The following POU2F2 variants were observed in gnomAD, a reference collection of about 807,000 sequenced individuals.
The protein encoded by POU2F2 is POU domain, class 2, transcription factor 2.
Under a neutral mutation model 63.5 loss-of-function variants are expected in POU2F2, and 14 were observed. The observed-to-expected ratio is 0.22, with a 90% CI of 0.15 to 0.34. POU2F2 has a LOEUF of 0.34. POU2F2 is among the 10% of genes least tolerant of loss of function. The probability of loss-of-function intolerance (pLI) is 1.00; values close to 1 mark genes in which losing one functional copy is unlikely to be tolerated. For synonymous variants in POU2F2, 306 were observed against 348.6 expected (o/e 0.88, Z 1.36); for missense variants, 607 against 815.2 (o/e 0.74, Z 3.11).
At chr19:42,144,701 T>C (rs985278787) in intron 2 of POU2F2, among the ~76,000 whole-genome samples, 2 of 152,254 alleles carry the variant, frequency 1.3e-5, no homozygotes, top group African/African-American at 2.4e-5. Context: ...CTTTGCATCA[T>C]CTTTTGGCAT....
At chr19:42,110,620 G>A (rs543191389) in intron 5 of POU2F2, 8 of 413,102 alleles carry the variant, frequency 1.9e-5, no homozygotes, top group South Asian at 1.1e-4. Context: ...ACAGGATCAC[G>A]ATGCAAGTTG....
rs766334387 is a variant in POU2F2, at chr19:42,099,785, G to A, written c.406C>T (p.Leu136Phe). The stretch of plus-strand genomic sequence containing the variant: ...GGCTGGAGGTGGTGGCCTGGCACAA[G>A]CACCAGCTGCTGGAGCTGGAGGAGC... ...QQLLQLQQLV[L>F]VPGHHLQPPA... Residue 136 changes from leucine (L) to phenylalanine (F), a missense_variant, in exon 6 of 15, where the codon CTT (leucine) becomes TTT (phenylalanine). Coordinates refer to ENST00000692977, the MANE Select transcript of POU2F2 (RefSeq NM_001394376.1). The A allele has an allele frequency of 6.3e-7, 1 of 1,582,828 alleles. No homozygotes were observed. The highest frequency in any genetic ancestry group is 8.6e-7 in the Non-Finnish European group (1 of 1,163,048).
At chr19:42,116,466 C>T (rs1389854392) in intron 5 of POU2F2, among the ~76,000 whole-genome samples, 2 of 152,262 alleles carry the variant, frequency 1.3e-5, no homozygotes, top group South Asian at 2.1e-4. Context: ...GGAAGCACTG[C>T]CCCCAACACA....
chr19:42,140,546 T>A (rs2034107174), intron 2 of POU2F2, among the ~76,000 whole-genome samples: 1 of 152,186 alleles, frequency 6.6e-6, no homozygotes, highest in Admixed American at 6.5e-5. Flanking sequence ...CCCCCTTGAA[T>A]GCTGTTCCCC....
intron 1 of POU2F2, among the ~76,000 whole-genome samples, chr19:42,124,838 T>C (rs559793030): frequency 6.6e-6 from 1 of 152,286 alleles, no homozygotes; most frequent in African/African-American, 2.4e-5. Context: ...TGATTCCAAT[T>C]ACAGGAAATT....
Position 42,162,861 on chromosome 19 carries a change from TAGAC to T in POU2F2, c.-69-2473_-69-2470del, listed in dbSNP as rs1215722439. On this transcript the variant is annotated intron_variant, in intron 1 of 6. Coordinates refer to the POU2F2 transcript ENST00000524801. This position sits in a 1 kb window ranked among gnomAD's most constrained non-coding sequence, Gnocchi z 4.1. ...GAATGCCCACATACAACCCCACCGA[TAGAC>T]AGATGGAAACACTGGCACCCACAGA... Among the ~76,000 whole-genome samples the T allele has an allele frequency of 6.6e-6, 1 of 152,012 alleles. No individual in the cohort carries two copies. The highest frequency in any genetic ancestry group is 1.5e-5 in the Non-Finnish European group (1 of 67,980).
In POU2F2 at chr19:42,099,547, G is replaced by A; in HGVS notation, c.547C>T (p.Arg183Trp). The A allele has an allele frequency of 3.1e-6, 5 of 1,613,552 alleles. No homozygotes were observed. The highest frequency in any genetic ancestry group is 3.4e-6 in the Non-Finnish European group (4 of 1,179,426). The change falls in exon 7 of 15, where the codon CGG (arginine) becomes TGG (tryptophan). Residue 183 changes from arginine (R) to tryptophan (W), a missense_variant. By Grantham distance (101) the Arg-to-Trp change is moderately radical. Coordinates refer to ENST00000692977, the MANE Select transcript of POU2F2 (RefSeq NM_001394376.1). ...CTCACCTGTGTGGGAAGCCCGGCCC[G>A]GGGCTGGGAGGTCAGAAGAGCTCCC... ...TQGALLTSQP[R>W]AGLPTQAVTR... is the part of the protein sequence containing the mutation.
upstream of POU2F2, among the ~76,000 whole-genome samples, chr19:42,176,874 C>G (rs949612067): frequency 8.6e-5 from 13 of 151,556 alleles, no homozygotes; most frequent in Admixed American, 7.9e-4. Context: ...GCCCGGCTCC[C>G]GCCCGGAGAG....
At chr19:42,101,892 G>A (rs1052561023) in intron 5 of POU2F2, among the ~76,000 whole-genome samples, 8 of 151,752 alleles carry the variant, frequency 5.3e-5, no homozygotes, top group African/African-American at 9.7e-5. Context: ...CAGGAGAATC[G>A]CTTGAAGCCG....
chr19:42,140,510 C>G (rs2034106315), intron 2 of POU2F2, among the ~76,000 whole-genome samples: 2 of 152,160 alleles, frequency 1.3e-5, no homozygotes, highest in Admixed American at 6.5e-5. Context: ...ATTTTGTCCC[C>G]AACATGGGGC....
At position 42,095,650 on chromosome 19, in the gene POU2F2, C is replaced by T; in HGVS notation, c.915G>A (p.Leu305=). The part of the protein sequence containing the change: ...VDSSLPSPNQ[L]SSPSLGFDGL... ...CGTCGAAACCCAGGCTGGGGCTGCT[C>T]AGCTGGTTGGGGCTGGGCAGGCTTG... Residue 305 remains leucine (L), a synonymous_variant, in exon 10 of 15, where the codon CTG becomes CTA. Transcript: ENST00000692977. This position sits in a 1 kb window ranked among gnomAD's most constrained non-coding sequence, Gnocchi z 7.1. The T allele has an allele frequency of 6.2e-7, 1 of 1,613,204 alleles. No individual in the cohort carries two copies. The highest frequency in any genetic ancestry group is 1.1e-5 in the South Asian group (1 of 91,082).
At chr19:42,176,333 T>C (rs1047270168), upstream of POU2F2, among the ~76,000 whole-genome samples, 2 of 152,200 alleles carry the variant, frequency 1.3e-5, no homozygotes, top group African/African-American at 2.4e-5. Flanking sequence ...TGGTATTGTT[T>C]TTTTTCTCTT....
At chr19:42,134,831 G>A (rs752666214), upstream of POU2F2, among the ~76,000 whole-genome samples, 1 of 152,124 alleles carries the variant, frequency 6.6e-6, no homozygotes, top group Non-Finnish European at 1.5e-5. Flanking sequence ...ATTTCTCGCC[G>A]GATCGATACG....
chr19:42,126,344 G>T (rs1248508210), intron 1 of POU2F2, among the ~76,000 whole-genome samples: 1 of 151,960 alleles, frequency 6.6e-6, no homozygotes, highest in Non-Finnish European at 1.5e-5. Flanking sequence ...TCAGGAGGCT[G>T]AGGTAGGAGA....
chr19:42,143,841 C>A (rs1304482625), intron 2 of POU2F2, among the ~76,000 whole-genome samples: 1 of 152,148 alleles, frequency 6.6e-6, no homozygotes, highest in Admixed American at 6.5e-5. Context: ...ACTTAAACAC[C>A]CCCTCCACAG....
At chr19:42,192,142 G>C (rs1159117835) in intron 1 of POU2F2, among the ~76,000 whole-genome samples, 2 of 152,172 alleles carry the variant, frequency 1.3e-5, no homozygotes, top group Non-Finnish European at 2.9e-5. Context: ...AGATGAAGTG[G>C]AAAGAGACTG....
chr19:42,181,465 T>C (rs1424800245), intron 1 of POU2F2, among the ~76,000 whole-genome samples: 1 of 152,244 alleles, frequency 6.6e-6, no homozygotes, highest in African/African-American at 2.4e-5. Context: ...ATTCTGCCTG[T>C]TCATCTTTCA....
At chr19:42,143,705 T>C (rs2034174416) in intron 2 of POU2F2, among the ~76,000 whole-genome samples, 2 of 152,194 alleles carry the variant, frequency 1.3e-5, no homozygotes, top group Non-Finnish European at 2.9e-5. Flanking sequence ...TCTGCCTTTC[T>C]GTTCCTGCAA....
intron 1 of POU2F2, among the ~76,000 whole-genome samples, chr19:42,187,000 T>C (rs142646519): frequency 3.5e-4 from 53 of 152,274 alleles, no homozygotes; most frequent in African/African-American, 1.1e-3. Context: ...TATATTGGGA[T>C]ACAGTTGTGT....
Sources: gnomAD v4.1 joint callset for allele counts (sites outside exome capture counted in the v4.1 genomes callset) on GRCh38, gnomAD v4.1.1 for gene constraint, Gnocchi (gnomAD v3.1) non-coding constraint, MANE v1.5 for transcripts, NCBI Gene and HGNC (gene_info 2026-07-23, HGNC 2026-07-21) for gene names.